Variants in RBFOX1 observed in about 807,000 individuals in gnomAD.
The protein encoded by RBFOX1 is RNA binding fox-1 homolog 1.
In RBFOX1, 8 loss-of-function variants were observed where a neutral mutation model predicts 57.7. The ratio of observed to expected loss-of-function variants is 0.14; its 90% CI spans 0.08 to 0.25. The LOEUF (loss-of-function observed/expected upper bound fraction) is 0.25. RBFOX1 is among the 10% of genes least tolerant of loss of function. RBFOX1 has a pLI of 1.00. For missense variants in RBFOX1, 611 were observed against 548.5 expected, an observed-to-expected ratio of 1.11 and a Z score of -1.14; for synonymous variants, 326 against 222.4, an observed-to-expected ratio of 1.47 and a Z score of -4.15.
chr16:5,986,770 T>C (rs1177802907), intron 4 of RBFOX1, among the ~76,000 whole-genome samples: 1 of 152,242 alleles, frequency 6.6e-6, no homozygotes, highest in Non-Finnish European at 1.5e-5. Context: ...ACAGTTGCAC[T>C]GTTCACTTGT....
At chr16:6,109,738 T>G (rs1286708825) in intron 1 of RBFOX1, among the ~76,000 whole-genome samples, 1 of 152,212 alleles carries the variant, frequency 6.6e-6, no homozygotes, top group Non-Finnish European at 1.5e-5. Context: ...TTATCAGTAT[T>G]ATTAAAATTT....
At chr16:5,432,450 C>T (rs1416027218) in intron 1 of RBFOX1, among the ~76,000 whole-genome samples, 2 of 150,900 alleles carry the variant, frequency 1.3e-5, no homozygotes, top group Non-Finnish European at 2.9e-5. Flanking sequence ...TATCCCTTGT[C>T]TATTGCTTTT....
intron 3 of RBFOX1, among the ~76,000 whole-genome samples, chr16:6,972,447 C>A (rs1310647382): frequency 6.6e-6 from 1 of 152,028 alleles, no homozygotes; most frequent in Non-Finnish European, 1.5e-5. Context: ...AGTAATATTC[C>A]CTTATGTGGA....
chr16:5,881,246 G>A (rs952673793), intron 4 of RBFOX1, among the ~76,000 whole-genome samples: 1 of 152,174 alleles, frequency 6.6e-6, no homozygotes, highest in Non-Finnish European at 1.5e-5. Context: ...AACTGGATGA[G>A]TCCAAGCTCA....
intron 10 of RBFOX1, among the ~76,000 whole-genome samples, chr16:7,618,658 T>A (rs916425359): frequency 2.6e-5 from 4 of 152,216 alleles, no homozygotes; most frequent in Non-Finnish European, 5.9e-5. Context: ...CAAATTAAGT[T>A]GGTGTATAAA....
At chr16:7,232,305 C>G (rs1161506653) in intron 4 of RBFOX1, among the ~76,000 whole-genome samples, 4 of 152,160 alleles carry the variant, frequency 2.6e-5, no homozygotes, top group Admixed American at 1.3e-4. Flanking sequence ...ACCATGGAGA[C>G]CAAGGGAGAA....
At chr16:6,725,310 C>G (rs1281083466) in intron 3 of RBFOX1, among the ~76,000 whole-genome samples, 1 of 152,026 alleles carries the variant, frequency 6.6e-6, no homozygotes, top group Non-Finnish European at 1.5e-5. Flanking sequence ...CTCGGCCTCC[C>G]AAAGTGCTGG....
chr16:7,508,215 C>T (rs2073990933), intron 4 of RBFOX1, among the ~76,000 whole-genome samples: 1 of 147,230 alleles, frequency 6.8e-6, no homozygotes, highest in South Asian at 2.2e-4. Flanking sequence ...TGACCTCAAG[C>T]GATCCGCACG....
At chr16:6,892,527 G>T (rs1242586071) in intron 3 of RBFOX1, among the ~76,000 whole-genome samples, 1 of 152,022 alleles carries the variant, frequency 6.6e-6, no homozygotes, top group Non-Finnish European at 1.5e-5. Context: ...AAAATTAGCT[G>T]CGCATGGTGG....
chr16:6,827,492 A>C (rs900265282), intron 3 of RBFOX1, among the ~76,000 whole-genome samples: 2 of 152,152 alleles, frequency 1.3e-5, no homozygotes, highest in African/African-American at 4.8e-5. Context: ...TATTCATCAC[A>C]CTTCAGCAGG....
chr16:7,373,592 C>G (rs771361477), intron 4 of RBFOX1, among the ~76,000 whole-genome samples: 1 of 151,856 alleles, frequency 6.6e-6, no homozygotes, highest in Non-Finnish European at 1.5e-5. Flanking sequence ...AGGTCCACAG[C>G]CAGTCTATAA....
chr16:7,275,212 G>T (rs1184012612), intron 4 of RBFOX1, among the ~76,000 whole-genome samples: 1 of 152,114 alleles, frequency 6.6e-6, no homozygotes, highest in African/African-American at 2.4e-5. Context: ...GACATCACAT[G>T]CTACACTACT....
chr16:6,017,323 C>T (rs569402227), upstream of RBFOX1, among the ~76,000 whole-genome samples: 1 of 152,304 alleles, frequency 6.6e-6, no homozygotes, highest in African/African-American at 2.4e-5. Flanking sequence ...TTTCTTCTAT[C>T]ATTATTGATA....
intron 3 of RBFOX1, among the ~76,000 whole-genome samples, chr16:6,900,800 C>T (rs570675980): frequency 6.6e-6 from 1 of 152,270 alleles, no homozygotes; most frequent in East Asian, 1.9e-4. Context: ...CACACAATGC[C>T]ATTCCTAATA....
At chr16:5,951,455 ATG>A (rs547354362) in intron 4 of RBFOX1, among the ~76,000 whole-genome samples, 2 of 151,990 alleles carry the variant, frequency 1.3e-5, no homozygotes, top group East Asian at 3.9e-4. Flanking sequence ...CTCAAAATAT[ATG>A]TGTGTGTGTG....
At chr16:5,261,537 A>G (rs1377216113) in intron 1 of RBFOX1, among the ~76,000 whole-genome samples, 3 of 137,868 alleles carry the variant, frequency 2.2e-5, no homozygotes, top group Non-Finnish European at 4.6e-5. Context: ...CTGACATTTC[A>G]CTGTGTGTAT....
chr16:7,057,477 C>G (rs1367537385), intron 4 of RBFOX1, among the ~76,000 whole-genome samples: 1 of 152,210 alleles, frequency 6.6e-6, no homozygotes, highest in Non-Finnish European at 1.5e-5. Flanking sequence ...ATCACACCTT[C>G]TAGCCCCTAA....
chr16:5,635,762 C>A (rs371383120), intron 3 of RBFOX1, among the ~76,000 whole-genome samples: 1 of 152,274 alleles, frequency 6.6e-6, no homozygotes, highest in African/African-American at 2.4e-5. Context: ...AGGGATAGAT[C>A]AAGCCAGAGC....
At chr16:6,845,016 C>A (rs2093682737) in intron 3 of RBFOX1, among the ~76,000 whole-genome samples, 1 of 152,094 alleles carries the variant, frequency 6.6e-6, no homozygotes, top group Admixed American at 6.6e-5. Flanking sequence ...CCTTTGCCCA[C>A]TTTTTCATGG....
Sources: gnomAD v4.1 joint callset for allele counts (sites outside exome capture counted in the v4.1 genomes callset) on GRCh38, gnomAD v4.1.1 for gene constraint, MANE v1.5 for transcripts, NCBI Gene and HGNC (gene_info 2026-07-23, HGNC 2026-07-21) for gene names.